NCALD: variants seen among roughly 807,000 people sequenced by gnomAD.
NCALD encodes the protein neurocalcin-delta.
In NCALD, 10 loss-of-function variants were observed where a neutral mutation model predicts 18.6. The ratio of observed to expected loss-of-function variants is 0.54; its 90% CI spans 0.33 to 0.91. The LOEUF (loss-of-function observed/expected upper bound fraction) is 0.91. Among genes scored for constraint, NCALD ranks in the 40% least tolerant of loss-of-function variants. The pLI is 0.03. For missense variants in NCALD, 184 were observed against 247.6 expected, an observed-to-expected ratio of 0.74 and a Z score of 1.72; for synonymous variants, 88 against 87.4, an observed-to-expected ratio of 1.01 and a Z score of -0.04.
intron 1 of NCALD, among the ~76,000 whole-genome samples, chr8:102,083,143 A>G (rs17507040): frequency 0.048 from 7,257 of 152,312 alleles, 240 homozygotes; most frequent in Non-Finnish European, 0.07. Flanking sequence ...TGTCTTCCCC[A>G]TGGATGAGTT....
At chr8:102,055,455 G>A (rs753642984) in intron 1 of NCALD, among the ~76,000 whole-genome samples, 6 of 152,148 alleles carry the variant, frequency 3.9e-5, no homozygotes, top group Non-Finnish European at 7.4e-5. Context: ...ATAAGTGCTT[G>A]ACAAATATTA....
At chr8:101,850,149 C>T (rs924252304) in intron 4 of NCALD, among the ~76,000 whole-genome samples, 1 of 152,102 alleles carries the variant, frequency 6.6e-6, no homozygotes, top group Admixed American at 6.6e-5. Flanking sequence ...TCTGAAAGAG[C>T]CAAAGGAGTG....
rs1416064715 is a variant in NCALD, at chr8:101,689,211, C to T, written c.*98G>A. ...TCAGACCGCACAGGGGACGGCATCA[C>T]CATTGATATTGTTTGGCAAAAAAAA... On this transcript the variant is annotated 3_prime_UTR_variant, in exon 4 of 4. Coordinates refer to ENST00000220931, the MANE Select transcript of NCALD (RefSeq NM_032041.3). The surrounding 1 kb of genome is among the most constrained non-coding windows in gnomAD (Gnocchi z 4.4). 11 of 1,104,878 alleles carry T rather than the reference C, an allele frequency of 1.0e-5. No individual in the cohort carries two copies. The highest frequency in any genetic ancestry group is 1.2e-5 in the Non-Finnish European group (9 of 748,984). 68.4% of individuals were successfully genotyped at this position (1,104,878 alleles called of 1,614,324 possible). A position where few individuals can be genotyped will look rare whatever the true frequency, so the allele number is the denominator to read the frequency against.
At chr8:101,990,885 A>G (rs1388745632) in intron 2 of NCALD, among the ~76,000 whole-genome samples, 1 of 152,204 alleles carries the variant, frequency 6.6e-6, no homozygotes, top group Non-Finnish European at 1.5e-5. Context: ...TCATAAAAGT[A>G]ACTTGCAGAA....
chr8:101,976,514 C>T (rs1365907289), intron 2 of NCALD, among the ~76,000 whole-genome samples: 1 of 152,206 alleles, frequency 6.6e-6, no homozygotes, highest in Non-Finnish European at 1.5e-5. Flanking sequence ...ATGTTCATAT[C>T]CAGGCTAGTT....
chr8:101,760,730 C>T (rs1233910143), intron 1 of NCALD, among the ~76,000 whole-genome samples: 1 of 152,148 alleles, frequency 6.6e-6, no homozygotes, highest in Admixed American at 6.5e-5. Context: ...TTGCCATAAG[C>T]AGTAGTAATT....
intron 1 of NCALD, among the ~76,000 whole-genome samples, chr8:102,101,592 A>T (rs1457014787): frequency 2.0e-5 from 3 of 152,222 alleles, no homozygotes; most frequent in Non-Finnish European, 4.4e-5. Flanking sequence ...GAAGCTTTGA[A>T]CAAGTGGAAA....
At chr8:101,735,117 A>G (rs1407318314) in intron 1 of NCALD, among the ~76,000 whole-genome samples, 1 of 152,168 alleles carries the variant, frequency 6.6e-6, no homozygotes, top group Non-Finnish European at 1.5e-5. Flanking sequence ...AAAGCAGGAT[A>G]AAATGATAGA....
intron 2 of NCALD, among the ~76,000 whole-genome samples, chr8:101,929,042 G>A (rs1185525423): frequency 2.0e-5 from 3 of 151,822 alleles, no homozygotes; most frequent in South Asian, 2.1e-4. Context: ...CAGAACTCAG[G>A]ACACACTCTT....
At position 102,078,876 on chromosome 8, in the gene NCALD, A is replaced by G. The variant is rs1472632473; in HGVS notation, c.-210+45361T>C. On this transcript the variant is annotated intron_variant, in intron 1 of 6. Transcript: ENST00000311028. Reference sequence around the variant, plus strand: ...TATCTGATTATTGCCTGAATCTTCCACAGGAGACCAGGGCTTAAAACAGTG... The same window carrying G: ...TATCTGATTATTGCCTGAATCTTCCGCAGGAGACCAGGGCTTAAAACAGTG... 1.6e-4 allele frequency among the ~76,000 whole-genome samples: 24 copies of G among 152,234 alleles called. 1 individual carries two copies. The highest frequency in any genetic ancestry group is 1.5e-3 in the Admixed American group (23 of 15,282).
intron 1 of NCALD, among the ~76,000 whole-genome samples, chr8:101,778,683 A>G (rs1471822505): frequency 6.6e-6 from 1 of 152,164 alleles, no homozygotes; most frequent in Non-Finnish European, 1.5e-5. Flanking sequence ...AATATGGGAA[A>G]AAAGTTAAGA....
At chr8:102,083,107 C>T (rs756338424) in intron 1 of NCALD, among the ~76,000 whole-genome samples, 6 of 152,198 alleles carry the variant, frequency 3.9e-5, no homozygotes, top group Admixed American at 2.0e-4. Flanking sequence ...GGAGGCAACA[C>T]TCATAAAAGC....
intron 4 of NCALD, among the ~76,000 whole-genome samples, chr8:101,802,745 A>G (rs918740938): frequency 1.0e-3 from 152 of 152,260 alleles, no homozygotes; most frequent in Admixed American, 9.9e-3. Context: ...AAAATGCAGA[A>G]TAAAACTTTG....
chr8:101,996,014 A>C (rs1393700442), intron 2 of NCALD, among the ~76,000 whole-genome samples: 1 of 152,250 alleles, frequency 6.6e-6, no homozygotes, highest in Non-Finnish European at 1.5e-5. Flanking sequence ...GCAGCAAGGT[A>C]ATAAAGCTAA....
At chr8:101,990,501 G>A (rs1015321959) in intron 2 of NCALD, among the ~76,000 whole-genome samples, 3 of 152,116 alleles carry the variant, frequency 2.0e-5, no homozygotes, top group Admixed American at 6.5e-5. Flanking sequence ...ATGTGTTGTC[G>A]GGGGGACCCG....
chr8:101,808,060 A>G (rs1485988661), intron 4 of NCALD, among the ~76,000 whole-genome samples: 2 of 152,188 alleles, frequency 1.3e-5, no homozygotes, highest in Admixed American at 1.3e-4. Context: ...AAAAAAAGAG[A>G]AGTCTCAAAT....
chr8:101,855,470 G>C (rs1368934742), intron 4 of NCALD, among the ~76,000 whole-genome samples: 1 of 152,184 alleles, frequency 6.6e-6, no homozygotes, highest in East Asian at 1.9e-4. Flanking sequence ...TTTCATGTGA[G>C]TGAGAAATAA....
intron 2 of NCALD, among the ~76,000 whole-genome samples, chr8:101,985,977 A>T (rs1820792565): frequency 6.6e-6 from 1 of 152,006 alleles, no homozygotes; most frequent in African/African-American, 2.4e-5. Context: ...AAAATAAATG[A>T]TCATTCCTTT....
intron 2 of NCALD, among the ~76,000 whole-genome samples, chr8:101,709,670 G>A (rs998649540): frequency 1.3e-5 from 2 of 152,308 alleles, no homozygotes; most frequent in African/African-American, 4.8e-5. Flanking sequence ...AATCAGTGAT[G>A]CCACTTGCTT....
Sources: gnomAD v4.1 joint callset for allele counts (sites outside exome capture counted in the v4.1 genomes callset) on GRCh38, gnomAD v4.1.1 for gene constraint, Gnocchi (gnomAD v3.1) non-coding constraint, MANE v1.5 for transcripts, NCBI Gene and HGNC (gene_info 2026-07-23, HGNC 2026-07-21) for gene names.